Variants in ADAMTS19 observed in about 807,000 individuals in gnomAD.
ADAMTS19 encodes the protein ADAM metallopeptidase with thrombospondin type 1 motif 19.
A neutral mutation model predicts 153.3 loss-of-function variants in ADAMTS19; 93 were observed. The observed-to-expected ratio is 0.61, with a 90% CI of 0.51 to 0.72. The LOEUF (loss-of-function observed/expected upper bound fraction) is 0.72, where lower values mean the gene tolerates loss of function less well. Ranked by LOEUF, ADAMTS19 falls within the 30% of genes least tolerant of loss-of-function variation. The pLI, the probability that ADAMTS19 is intolerant of heterozygous loss-of-function variation, is 0.00. For synonymous variants in ADAMTS19, 600 were observed against 556.6 expected (o/e 1.08, Z -1.10); for missense variants, 1,482 against 1,552.1 (o/e 0.95, Z 0.76).
chr5:129,701,296 G>A (rs1755835666), intron 19 of ADAMTS19, 92 bp from the exon 20 acceptor site: 2 of 1,428,298 alleles, frequency 1.4e-6, no homozygotes, highest in South Asian at 2.5e-5. Context: ...GCCCAGTCTT[G>A]GGTATGTCTT....
At chr5:129,536,083 G>C (rs1752410462) in intron 6 of ADAMTS19, among the ~76,000 whole-genome samples, 1 of 152,072 alleles carries the variant, frequency 6.6e-6, no homozygotes, top group Non-Finnish European at 1.5e-5. Flanking sequence ...AAACTAAAGA[G>C]CTTCTGCACA....
intron 8 of ADAMTS19, among the ~76,000 whole-genome samples, chr5:129,620,250 A>ATTCAC (rs1402830077): frequency 6.6e-6 from 1 of 152,076 alleles, no homozygotes; most frequent in Non-Finnish European, 1.5e-5. Context: ...AGAAAATTTG[A>ATTCAC]TTCAGGCAAC....
chr5:129,570,440 C>A (rs900039086), intron 7 of ADAMTS19, among the ~76,000 whole-genome samples: 3 of 151,044 alleles, frequency 2.0e-5, no homozygotes, highest in African/African-American at 7.3e-5. Context: ...TTTAAAATCA[C>A]CCAAAAATAA....
At chr5:129,540,315 T>C (rs982328315) in intron 6 of ADAMTS19, among the ~76,000 whole-genome samples, 1 of 152,090 alleles carries the variant, frequency 6.6e-6, no homozygotes, top group Non-Finnish European at 1.5e-5. Flanking sequence ...TTTGTCAAAT[T>C]GTCCTGTGCA....
chr5:129,466,214 G>T (rs1053671264), intron 2 of ADAMTS19, among the ~76,000 whole-genome samples: 5 of 152,012 alleles, frequency 3.3e-5, no homozygotes, highest in Non-Finnish European at 4.4e-5. Flanking sequence ...TGAGTCAAAG[G>T]TCCCATCTGT....
chr5:129,633,039 T>C (rs557453851), intron 10 of ADAMTS19, among the ~76,000 whole-genome samples: 1 of 152,248 alleles, frequency 6.6e-6, no homozygotes, highest in African/African-American at 2.4e-5. Flanking sequence ...TGATATAATC[T>C]CACAGCTTTC....
At position 129,608,116 on chromosome 5, in the gene ADAMTS19, G is replaced by GTGTGTGTGTGTATATATA. The variant is rs377008786; in HGVS notation, c.1478+11453_1478+11454insGTGTGTGTGTATATATAT. Among the ~76,000 whole-genome samples, 82 of 47,930 alleles carry GTGTGTGTGTGTATATATA rather than the reference G, an allele frequency of 1.7e-3. 1 individual carries two copies. Among genetic ancestry groups the GTGTGTGTGTGTATATATA allele is most frequent in the Non-Finnish European group, 3.4e-3 (68 of 20,108 alleles). The allele number at this position is 47,930 out of a possible 152,430, so 31.4% of individuals were successfully genotyped here. On this transcript the variant is annotated intron_variant, in intron 8 of 22. Coordinates refer to ENST00000274487, the MANE Select transcript of ADAMTS19 (RefSeq NM_133638.6). ...TGTGTGTGTGTGTGTGTGTGTGTGT[G>GTGTGTGTGTGTATATATA]TATATATATATATATATATATATAA...
At chr5:129,633,280 C>T (rs539274781) in intron 10 of ADAMTS19, among the ~76,000 whole-genome samples, 25 of 152,170 alleles carry the variant, frequency 1.6e-4, no homozygotes, top group African/African-American at 4.8e-4. Flanking sequence ...AGCCAATTTC[C>T]GTTACCTCAC....
chr5:129,483,017 T>G (rs1460732946), intron 2 of ADAMTS19, among the ~76,000 whole-genome samples: 1 of 152,208 alleles, frequency 6.6e-6, no homozygotes, highest in East Asian at 1.9e-4. Context: ...CCATAACTTT[T>G]TTACTTGTTT....
At chr5:129,605,061 C>G (rs949693017) in intron 8 of ADAMTS19, among the ~76,000 whole-genome samples, 1 of 152,180 alleles carries the variant, frequency 6.6e-6, no homozygotes, top group Non-Finnish European at 1.5e-5. Context: ...CACTAATTGT[C>G]CTGCTAGTTC....
At chr5:129,471,014 T>G (rs1015113432) in intron 2 of ADAMTS19, among the ~76,000 whole-genome samples, 2 of 145,878 alleles carry the variant, frequency 1.4e-5, no homozygotes, top group African/African-American at 5.0e-5. Context: ...CATTTGACCA[T>G]GCTCCTTGAT....
At position 129,695,482 on chromosome 5, in the gene ADAMTS19, G is replaced by A. The variant is rs73233655; in HGVS notation, c.2954+627G>A. Among the ~76,000 whole-genome samples the A allele has an allele frequency of 7.7e-3, 1,180 of 152,278 alleles. 17 individuals are homozygous for A. Among genetic ancestry groups the A allele is most frequent in the African/African-American group, 0.026 (1,069 of 41,548 alleles). On this transcript the variant is annotated intron_variant, in intron 19 of 22. Transcript: ENST00000274487. ...GTAGAGGACAAAACAGCAATGCTGA[G>A]CAGCTGTAAGTGGAATAGGAAGAAA...
At chr5:129,672,949 A>G (rs1006246800) in intron 16 of ADAMTS19, among the ~76,000 whole-genome samples, 4 of 152,002 alleles carry the variant, frequency 2.6e-5, no homozygotes, top group Non-Finnish European at 5.9e-5. Context: ...TTAAGAAATT[A>G]ATTCATTTCC....
intron 21 of ADAMTS19, among the ~76,000 whole-genome samples, chr5:129,723,699 G>A (rs1198629843): frequency 6.6e-6 from 1 of 152,130 alleles, no homozygotes; most frequent in African/African-American, 2.4e-5. Flanking sequence ...AATGAAAAGA[G>A]TCAAACTGTG....
chr5:129,671,171 G>T (rs1287373343), intron 16 of ADAMTS19, among the ~76,000 whole-genome samples: 5 of 152,194 alleles, frequency 3.3e-5, no homozygotes, highest in African/African-American at 1.2e-4. Context: ...ACACATTCTT[G>T]GAGGGAAAGA....
At chr5:129,713,543 T>C (rs923906004) in intron 21 of ADAMTS19, among the ~76,000 whole-genome samples, 1 of 152,130 alleles carries the variant, frequency 6.6e-6, no homozygotes, top group Admixed American at 6.5e-5. Context: ...GGAAGATCAA[T>C]TGAGGCCAGG....
chr5:129,658,343 A>AAGAGAGAGAGAGAGAGAGAGAGAG lies in ADAMTS19; in HGVS notation c.2305-271_2305-270insGAGAGAGAGAGAGAGAGAGAGAGA, dbSNP rs1344665969. On this transcript the variant is annotated intron_variant, in intron 14 of 22. Transcript: ENST00000274487. ...AAAGAAAGAAAGAAAGAAAGAAAGA[A>AAGAGAGAGAGAGAGAGAGAGAGAG]AGAAAGAAAGAAAGAAAGAAAGAAA... Among the ~76,000 whole-genome samples the AAGAGAGAGAGAGAGAGAGAGAGAG allele has an allele frequency of 3.6e-4, 40 of 112,266 alleles. 3 individuals are homozygous for AAGAGAGAGAGAGAGAGAGAGAGAG. The highest frequency in any genetic ancestry group is 1.6e-3 in the African/African-American group (39 of 24,666). 73.7% of individuals were successfully genotyped at this position (112,266 alleles called of 152,430 possible).
intron 7 of ADAMTS19, among the ~76,000 whole-genome samples, chr5:129,586,973 C>T (rs909029297): frequency 7.2e-5 from 11 of 152,140 alleles, no homozygotes; most frequent in African/African-American, 1.4e-4. Flanking sequence ...GAATGCAACA[C>T]CTGTGATTGT....
intron 21 of ADAMTS19, among the ~76,000 whole-genome samples, chr5:129,710,847 T>G (rs946557412): frequency 3.3e-5 from 5 of 152,208 alleles, no homozygotes; most frequent in African/African-American, 4.8e-5. Context: ...TAACACTGTT[T>G]TGATCATGCA....
Sources: gnomAD v4.1 joint callset for allele counts (sites outside exome capture counted in the v4.1 genomes callset) on GRCh38, gnomAD v4.1.1 for gene constraint, MANE v1.5 for transcripts, NCBI Gene and HGNC (gene_info 2026-07-23, HGNC 2026-07-21) for gene names.